Variants in GRM7 observed in about 807,000 individuals in gnomAD.
GRM7 encodes metabotropic glutamate receptor 7.
In GRM7, 35 loss-of-function variants were observed where a neutral mutation model predicts 84.5. The ratio of observed to expected loss-of-function variants is 0.41; its 90% CI spans 0.32 to 0.55. The LOEUF is 0.55. Among genes scored for constraint, GRM7 ranks in the 20% least tolerant of loss-of-function variants. The probability of loss-of-function intolerance (pLI) is 0.19; values close to 1 mark genes in which losing one functional copy is unlikely to be tolerated. For missense variants in GRM7, 1,003 were observed against 1,194.6 expected (o/e 0.84, Z 2.36); for synonymous variants, 487 against 455.1 (o/e 1.07, Z -0.89).
At chr3:7,165,766 A>G (rs1211468706) in intron 2 of GRM7, among the ~76,000 whole-genome samples, 1 of 152,140 alleles carries the variant, frequency 6.6e-6, no homozygotes, top group Non-Finnish European at 1.5e-5. Flanking sequence ...CACTTTTTTA[A>G]AGCTCTATTT....
intron 2 of GRM7, among the ~76,000 whole-genome samples, chr3:7,256,229 A>C (rs773516301): frequency 6.6e-6 from 1 of 152,088 alleles, no homozygotes; most frequent in Non-Finnish European, 1.5e-5. Context: ...GAAATTCTCT[A>C]TTTTATTTAT....
At chr3:7,379,913 C>G (rs1483190459) in intron 4 of GRM7, among the ~76,000 whole-genome samples, 1 of 152,180 alleles carries the variant, frequency 6.6e-6, no homozygotes. Flanking sequence ...ACTCTGCCGC[C>G]TTCCCTTCAT....
At chr3:7,354,148 C>T (rs1693283899) in intron 4 of GRM7, among the ~76,000 whole-genome samples, 1 of 152,120 alleles carries the variant, frequency 6.6e-6, no homozygotes, top group African/African-American at 2.4e-5. Flanking sequence ...TGTCAATCCT[C>T]CTGCCATCGT....
chr3:7,561,459 A>G, intron 7 of GRM7: 1 of 455,234 alleles, frequency 2.2e-6, no homozygotes, highest in Non-Finnish European at 4.4e-6. Context: ...GCCTTTGATT[A>G]TGAGATAGGA....
chr3:7,084,304 TA>T (rs1200097453), intron 1 of GRM7, among the ~76,000 whole-genome samples: 1 of 152,106 alleles, frequency 6.6e-6, no homozygotes, highest in Non-Finnish European at 1.5e-5. Flanking sequence ...ACATGGGCTC[TA>T]TCCTAGACCT....
chr3:7,423,482 TGCCCTTATAAGCAATAGAA>T (rs1440558901), intron 5 of GRM7, among the ~76,000 whole-genome samples: 1 of 152,156 alleles, frequency 6.6e-6, no homozygotes, highest in Non-Finnish European at 1.5e-5. Context: ...GTAAACAAAG[TGCCCTTATAAGCAATAGAA>T]GTATTATAAA....
chr3:7,606,558 GTC>G (rs1457292222), intron 8 of GRM7, among the ~76,000 whole-genome samples: 1 of 152,068 alleles, frequency 6.6e-6, no homozygotes, highest in African/African-American at 2.4e-5. Context: ...GGGGGACAAG[GTC>G]TCTCTTTGTC....
chr3:7,192,191 G>T (rs1218924110), intron 2 of GRM7, among the ~76,000 whole-genome samples: 1 of 152,154 alleles, frequency 6.6e-6, no homozygotes, highest in East Asian at 1.9e-4. Context: ...CAGTTGAGAA[G>T]ACCTGGTAAG....
At chr3:6,973,410 G>A (rs1693844575) in intron 1 of GRM7, among the ~76,000 whole-genome samples, 1 of 151,820 alleles carries the variant, frequency 6.6e-6, no homozygotes, top group African/African-American at 2.4e-5. Context: ...CCAGTAGTAG[G>A]GAAAATGTAT....
chr3:7,245,171 A>G (rs759563049), intron 2 of GRM7, among the ~76,000 whole-genome samples: 9 of 152,046 alleles, frequency 5.9e-5, no homozygotes, highest in Non-Finnish European at 1.2e-4. Flanking sequence ...CCTGTGAGAT[A>G]ATATCAAGTA....
At chr3:7,592,152 A>G (rs1016821217) in intron 8 of GRM7, among the ~76,000 whole-genome samples, 1 of 152,196 alleles carries the variant, frequency 6.6e-6, no homozygotes, top group Non-Finnish European at 1.5e-5. Flanking sequence ...CAGAAGAGGC[A>G]TGAGCAAGCA....
chr3:7,448,320 G>A (rs113589320), intron 5 of GRM7, among the ~76,000 whole-genome samples: 15,072 of 151,990 alleles, frequency 0.099, 888 homozygotes, highest in South Asian at 0.24. Context: ...CTGAGGAATC[G>A]CCACACTGAC....
intron 7 of GRM7, among the ~76,000 whole-genome samples, chr3:7,572,824 ATATATATATATATATATATATATATATAT>A (rs1559411708): frequency 1.7e-5 from 1 of 59,700 alleles, no homozygotes. Context: ...TCTATCTCAA[ATATATATATATATATATATATATATATAT>A]ATATATATAT....
At chr3:7,049,010 G>A (rs886501514) in intron 1 of GRM7, among the ~76,000 whole-genome samples, 13 of 151,850 alleles carry the variant, frequency 8.6e-5, no homozygotes, top group African/African-American at 2.4e-4. Flanking sequence ...AATTGTCATA[G>A]TGTTATTTAT....
chr3:7,289,230 A>G (rs907603495), intron 2 of GRM7, among the ~76,000 whole-genome samples: 1 of 152,138 alleles, frequency 6.6e-6, no homozygotes, highest in Non-Finnish European at 1.5e-5. Flanking sequence ...TGTTCAGGGA[A>G]AGGAACAGCT....
At chr3:7,046,028 CT>C in intron 1 of GRM7, among the ~76,000 whole-genome samples, 1 of 152,038 alleles carries the variant, frequency 6.6e-6, no homozygotes, top group Non-Finnish European at 1.5e-5. Flanking sequence ...TTCTCCATAT[CT>C]TTGCCAGCAC....
intron 1 of GRM7, among the ~76,000 whole-genome samples, chr3:6,874,619 G>A (rs1207256363): frequency 6.6e-6 from 1 of 152,234 alleles, no homozygotes; most frequent in Non-Finnish European, 1.5e-5. Context: ...TTGACCATTA[G>A]TGAGAGAGAC....
At chr3:7,161,934 G>A (rs1033892024) in intron 2 of GRM7, among the ~76,000 whole-genome samples, 10 of 152,204 alleles carry the variant, frequency 6.6e-5, no homozygotes, top group African/African-American at 2.4e-4. Context: ...GGCGAATGGA[G>A]CTGAGATGGC....
At chr3:7,438,058 C>A (rs77053846) in intron 5 of GRM7, among the ~76,000 whole-genome samples, 4 of 151,944 alleles carry the variant, frequency 2.6e-5, no homozygotes, top group South Asian at 2.1e-4. Context: ...CACTGAGCCT[C>A]GTAGACTATG....
Sources: allele counts gnomAD v4.1 joint callset (sites outside exome capture counted in the v4.1 genomes callset), GRCh38; gene constraint gnomAD v4.1.1; transcripts MANE v1.5; gene names NCBI Gene and HGNC (gene_info 2026-07-23, HGNC 2026-07-21).